Variants in C20orf173 observed in about 807,000 individuals in gnomAD.
C20orf173 encodes chromosome 20 open reading frame 173, also known as uncharacterized protein C20orf173.
A neutral mutation model predicts 26.7 loss-of-function variants in C20orf173; 22 were observed. The ratio of observed to expected loss-of-function variants is 0.82; its 90% CI spans 0.59 to 1.18. The LOEUF (loss-of-function observed/expected upper bound fraction) is 1.18. Ranked by LOEUF, C20orf173 falls within the 50% of genes most tolerant of loss-of-function variation. The probability of loss-of-function intolerance (pLI) is 0.00; values close to 1 mark genes in which losing one functional copy is unlikely to be tolerated. For synonymous variants in C20orf173, 85 were observed against 96.4 expected, an observed-to-expected ratio of 0.88 and a Z score of 0.69; for missense variants, 210 against 250.3, an observed-to-expected ratio of 0.84 and a Z score of 1.09.
In C20orf173 at chr20:35,528,304, G is replaced by A. The variant is rs1476467510; in HGVS notation, c.583-20C>T. 1 of 1,551,818 alleles carries A rather than the reference G, an allele frequency of 6.4e-7. No homozygotes were observed. Among genetic ancestry groups the A allele is most frequent in the South Asian group, 1.2e-5 (1 of 84,048 alleles). On this transcript the variant is annotated intron_variant, in intron 4 of 5. Transcript: ENST00000444723. The stretch of plus-strand genomic sequence containing the variant: ...CAAAATCTGAGAAAGAATTGGAGGT[G>A]GGGGAGTTTGGGCCACAAGACCTGG...
Position 35,527,859 on chromosome 20 carries a change from TGGCC to T in C20orf173, c.*25+370_*25+373del, listed in dbSNP as rs1183135533. On this transcript the variant is annotated intron_variant, in intron 5 of 5. Coordinates refer to ENST00000444723, the MANE Select transcript of C20orf173 (RefSeq NM_001145350.2). ...TAGTAGAGATGGAGTTTGACCATAT[TGGCC>T]AGGCTGGTCTCGAACTCCTGACCTC... Among the ~76,000 whole-genome samples the T allele has an allele frequency of 7.2e-5, 11 of 152,246 alleles. No individual in the cohort carries two copies. The East Asian group carries it at 2.1e-3, about 29-fold the overall frequency.
downstream of C20orf173, among the ~76,000 whole-genome samples, chr20:35,521,711 C>T (rs982189646): frequency 4.6e-5 from 7 of 151,680 alleles, no homozygotes; most frequent in South Asian, 2.1e-4. Context: ...CAGGTTCAAG[C>T]GATTTTCTTG....
chr20:35,525,885 TA>T (rs1181584043), downstream of C20orf173, among the ~76,000 whole-genome samples: 4 of 152,192 alleles, frequency 2.6e-5, no homozygotes, highest in African/African-American at 9.6e-5. Context: ...AGGGGTGAAT[TA>T]TGCAGAAATT....
At chr20:35,529,030 G>A in intron 2 of C20orf173, 35 bp downstream of exon 2, 1 of 1,541,356 alleles carries the variant, frequency 6.5e-7, no homozygotes, top group African/African-American at 1.4e-5. Context: ...CGGAAAGCAT[G>A]GGGGATATGG....
chr20:35,525,071 G>A (rs146241175), downstream of C20orf173, among the ~76,000 whole-genome samples: 6 of 151,262 alleles, frequency 4.0e-5, no homozygotes, highest in African/African-American at 7.3e-5. Flanking sequence ...GTCTAGAAAC[G>A]CCATTATTCT....
In C20orf173 at chr20:35,529,126, G is replaced by T. The variant is rs967299841; in HGVS notation, c.248C>A (p.Thr83Asn). ...TCTTGTCCTCATCAGGTACCCCATAGTCTTCCTGGAGCACGCATCAAGCCA... is the reference window on the plus strand; with the variant it reads ...TCTTGTCCTCATCAGGTACCCCATATTCTTCCTGGAGCACGCATCAAGCCA... ...WNWLDACSRK[T>N]MGYLMRTRES... The change falls in exon 2 of 6, where the codon ACT (threonine) becomes AAT (asparagine). Residue 83 changes from threonine (T) to asparagine (N), a missense_variant. Coordinates refer to ENST00000444723, the MANE Select transcript of C20orf173 (RefSeq NM_001145350.2). 8 of 1,551,614 alleles carry T rather than the reference G, an allele frequency of 5.2e-6. No individual in the cohort carries two copies. The highest frequency in any genetic ancestry group is 2.0e-5 in the Admixed American group (1 of 50,976).
In C20orf173 at chr20:35,528,733, GC is replaced by G; in HGVS notation, c.455del (p.Gly152AlafsTer40). 6.5e-7 allele frequency: 1 copy of G among 1,541,264 alleles called. No homozygotes were observed. The highest frequency in any genetic ancestry group is 8.8e-7 in the Non-Finnish European group (1 of 1,142,054). Reference sequence around the variant, plus strand: ...CCACGGGGTATTGGTCGATGTCGTTGCCAAGGCTGGAGCCCTGCGGGATCTG... The same window carrying G: ...CCACGGGGTATTGGTCGATGTCGTTGCAAGGCTGGAGCCCTGCGGGATCTG... ...RPQIPQGSSL[G>X]NDIDQYPVVF... On this transcript the variant is annotated frameshift_variant, in exon 3 of 6. Coordinates refer to ENST00000444723, the MANE Select transcript of C20orf173 (RefSeq NM_001145350.2). LOFTEE classifies it high-confidence loss of function.
Position 35,528,290 on chromosome 20 carries a change from A to T in C20orf173, c.583-6T>A. 3 of 1,551,980 alleles carry T rather than the reference A, an allele frequency of 1.9e-6. No homozygotes were observed. Among genetic ancestry groups the T allele is most frequent in the Non-Finnish European group, 2.6e-6 (3 of 1,147,060 alleles). ...ACCAGACCATCTTCCAAAATCTGAGAAAGAATTGGAGGTGGGGGAGTTTGG... is the reference window on the plus strand; with the variant it reads ...ACCAGACCATCTTCCAAAATCTGAGTAAGAATTGGAGGTGGGGGAGTTTGG... On this transcript the variant is annotated splice_polypyrimidine_tract_variant and splice_region_variant and intron_variant, in intron 4 of 5. Transcript: ENST00000444723.
Position 35,529,374 on chromosome 20 carries a change from G to A in C20orf173, c.-1C>T. On this transcript the variant is annotated 5_prime_UTR_variant, in exon 2 of 6. Coordinates refer to ENST00000444723, the MANE Select transcript of C20orf173 (RefSeq NM_001145350.2). Reference sequence around the variant, plus strand: ...GGACAAAAATCTGCCAGCGCTTCATGTCTGGCCCAGGCGGTGGCTCCCGTG... The same window carrying A: ...GGACAAAAATCTGCCAGCGCTTCATATCTGGCCCAGGCGGTGGCTCCCGTG... The A allele has an allele frequency of 6.5e-7, 1 of 1,534,350 alleles. No individual in the cohort carries two copies.
intron 1 of C20orf173, 29 bp from the exon 2 acceptor site, chr20:35,529,453 A>G: frequency 1.5e-6 from 2 of 1,337,950 alleles, no homozygotes; most frequent in Non-Finnish European, 2.0e-6. Context: ...GAGGCCACAG[A>G]CAGCACCAGC....
At chr20:35,526,100 G>T (rs1451796303), downstream of C20orf173, among the ~76,000 whole-genome samples, 1 of 152,152 alleles carries the variant, frequency 6.6e-6, no homozygotes, top group Non-Finnish European at 1.5e-5. Context: ...AAAAGCTAGA[G>T]AACCAGGCTC....
At chr20:35,522,524 A>G (rs769168895), downstream of C20orf173, 1 of 152,804 alleles carries the variant, frequency 6.5e-6, no homozygotes, top group Admixed American at 6.5e-5. Context: ...CCCAGGGTAC[A>G]TAACGCGCAT....
downstream of C20orf173, chr20:35,521,186 G>A: frequency 6.5e-6 from 1 of 152,742 alleles, no homozygotes. Flanking sequence ...GGTGTAACGG[G>A]CTGGATCCTG....
chr20:35,526,561 C>T (rs139548973), downstream of C20orf173, among the ~76,000 whole-genome samples: 364 of 145,080 alleles, frequency 2.5e-3, 1 homozygote, highest in African/African-American at 8.9e-3. Flanking sequence ...CCCAGGAGGT[C>T]GAGGCTGCAA....
At position 35,529,328 on chromosome 20, in the gene C20orf173, T is replaced by C. The variant is rs2064533660; in HGVS notation, c.46A>G (p.Ile16Val). The change falls in exon 2 of 6, where the codon ATC becomes GTC. Residue 16 changes from isoleucine (I) to valine (V), a missense_variant. Physicochemically the swap from Ile to Val is conservative, Grantham distance 29. Coordinates refer to ENST00000444723, the MANE Select transcript of C20orf173 (RefSeq NM_001145350.2). ...AGATAGGGGGTCATCAGCCAGAGGA[T>C]GAGCACCCAAAAGACCCACAGGACA... ...IFVLWVFWVL[I>V]LWLMTPYLDL... 6.5e-7 allele frequency: 1 copy of C among 1,550,262 alleles called. No homozygotes were observed. The highest frequency in any genetic ancestry group is 1.2e-5 in the South Asian group (1 of 84,030).
chr20:35,527,814 C>G (rs1001930367), intron 5 of C20orf173, among the ~76,000 whole-genome samples: 1 of 152,082 alleles, frequency 6.6e-6, no homozygotes, highest in Non-Finnish European at 1.5e-5. Flanking sequence ...ACCACCATGC[C>G]TGGCTATTTT....
At chr20:35,527,440 T>A (rs2064510642) in intron 5 of C20orf173, among the ~76,000 whole-genome samples, 190 bp from the exon 6 acceptor site, 1 of 151,894 alleles carries the variant, frequency 6.6e-6, no homozygotes, top group Non-Finnish European at 1.5e-5. Context: ...GAATGTCAAC[T>A]CACTTTTCCT....
downstream of C20orf173, among the ~76,000 whole-genome samples, chr20:35,523,832 C>T (rs989745402): frequency 1.3e-5 from 2 of 152,132 alleles, no homozygotes; most frequent in African/African-American, 4.8e-5. Context: ...GAAGGGCCAC[C>T]TTGGCGATGG....
chr20:35,524,699 ATTT>A (rs11483123), downstream of C20orf173, among the ~76,000 whole-genome samples: 1 of 142,366 alleles, frequency 7.0e-6, no homozygotes, highest in Non-Finnish European at 1.5e-5. Flanking sequence ...GTTCATGATA[ATTT>A]TTTTTTTTTT....
Sources: gnomAD v4.1 joint callset for allele counts (sites outside exome capture counted in the v4.1 genomes callset) on GRCh38, gnomAD v4.1.1 for gene constraint, MANE v1.5 for transcripts, NCBI Gene and HGNC (gene_info 2026-07-23, HGNC 2026-07-21) for gene names.